The following SMC5 variants were observed in gnomAD, a reference collection of about 807,000 sequenced individuals.
SMC5 encodes structural maintenance of chromosomes 5.
In SMC5, 88 loss-of-function variants were observed where a neutral mutation model predicts 148.3. The ratio of observed to expected loss-of-function variants is 0.59; its 90% CI spans 0.50 to 0.71. The LOEUF (loss-of-function observed/expected upper bound fraction) is 0.71. Ranked by LOEUF, SMC5 falls within the 30% of genes least tolerant of loss-of-function variation. The pLI is 0.00. For missense variants in SMC5, 1,142 were observed against 1,298.9 expected (o/e 0.88, Z 1.86); for synonymous variants, 421 against 432.8 (o/e 0.97, Z 0.34).
chr9:70,280,722 T>C (rs759544434), intron 5 of SMC5, 37 bp from the exon 6 acceptor site: 5 of 1,566,580 alleles, frequency 3.2e-6, no homozygotes, highest in African/African-American at 1.4e-5. Context: ...TGTCATTTTT[T>C]CTGTCAAACT....
chr9:70,347,339 A>G (rs1312384124), intron 20 of SMC5, among the ~76,000 whole-genome samples, 178 bp downstream of exon 20: 5 of 152,242 alleles, frequency 3.3e-5, no homozygotes, highest in Admixed American at 2.0e-4. Context: ...TTCTGAATCT[A>G]TTAGAATTTT....
chr9:70,277,614 C>T (rs1271109052), intron 4 of SMC5, 142 bp downstream of exon 4: 3 of 596,348 alleles, frequency 5.0e-6, no homozygotes, highest in Admixed American at 8.2e-5. Context: ...CATTTCATCA[C>T]TTAGAGTATA....
At chr9:70,307,596 A>G (rs548102806) in intron 11 of SMC5, among the ~76,000 whole-genome samples, 2 of 151,826 alleles carry the variant, frequency 1.3e-5, no homozygotes, top group Admixed American at 1.3e-4. Flanking sequence ...TCCGCTTCCC[A>G]GGTTCAAGCA....
chr9:70,287,067 A>G (rs1214958514), intron 8 of SMC5, among the ~76,000 whole-genome samples: 2 of 152,070 alleles, frequency 1.3e-5, no homozygotes, highest in Admixed American at 6.6e-5. Flanking sequence ...TTTTGATATA[A>G]TCTTGGTTTA....
At chr9:70,265,176 T>C (rs2034256745) in intron 2 of SMC5, among the ~76,000 whole-genome samples, 1 of 151,990 alleles carries the variant, frequency 6.6e-6, no homozygotes, top group South Asian at 2.1e-4. Context: ...AATGAGATCA[T>C]TAAAAATGAC....
intron 2 of SMC5, among the ~76,000 whole-genome samples, chr9:70,266,336 G>T (rs551205894): frequency 6.6e-6 from 1 of 152,238 alleles, no homozygotes; most frequent in East Asian, 1.9e-4. Context: ...TTGTGACCTT[G>T]AGCAATTATC....
At chr9:70,300,312 TG>T in intron 10 of SMC5, 112 bp downstream of exon 10, 1 of 893,328 alleles carries the variant, frequency 1.1e-6, no homozygotes, top group Non-Finnish European at 1.6e-6. Context: ...ATCAGACTTG[TG>T]GCATCTGGCA....
chr9:70,321,617 A>G (rs1003792737), intron 15 of SMC5, among the ~76,000 whole-genome samples: 2 of 152,104 alleles, frequency 1.3e-5, no homozygotes, highest in African/African-American at 4.8e-5. Context: ...CCAGACCTCA[A>G]TCAGTCCTCC....
intron 15 of SMC5, among the ~76,000 whole-genome samples, chr9:70,319,333 ATT>A (rs1038613065): frequency 1.1e-4 from 16 of 152,204 alleles, no homozygotes; most frequent in African/African-American, 3.9e-4. Flanking sequence ...GCAGTAATTC[ATT>A]TTAAAAATAA....
intron 3 of SMC5, among the ~76,000 whole-genome samples, chr9:70,272,853 G>A (rs546314133): frequency 2.0e-5 from 3 of 152,298 alleles, no homozygotes; most frequent in Non-Finnish European, 4.4e-5. Context: ...ACTTCAGGAG[G>A]AGTCAGTTGT....
chr9:70,307,939 AC>A (rs1428674571), intron 11 of SMC5, among the ~76,000 whole-genome samples: 1 of 152,204 alleles, frequency 6.6e-6, no homozygotes, highest in Non-Finnish European at 1.5e-5. Flanking sequence ...GTAAGATGTT[AC>A]AGGCACATCT....
intron 16 of SMC5, 67 bp from the exon 17 acceptor site, chr9:70,323,954 C>T (rs1283050681): frequency 7.5e-7 from 1 of 1,338,728 alleles, no homozygotes; most frequent in Non-Finnish European, 1.0e-6. Context: ...TTTTAAAAAA[C>T]TATACATTTT....
chr9:70,341,695 G>A (rs2036528279), intron 17 of SMC5, among the ~76,000 whole-genome samples: 1 of 152,140 alleles, frequency 6.6e-6, no homozygotes. Flanking sequence ...TAATAATACA[G>A]GTGTCCCCAG....
rs1301422904 is a variant in SMC5 at position 70,323,585 on chromosome 9, C to A, written c.2253C>A (p.Thr751=). Residue 751 remains threonine, a synonymous_variant, in exon 16 of 25, where the codon ACC becomes ACA. Coordinates refer to ENST00000361138, the MANE Select transcript of SMC5 (RefSeq NM_015110.4). ...EINVQKAKLV[T]ELTNLIKICT... ...ATGTTCAAAAAGCGAAACTTGTTAC[C>A]GAATTAACAAACCTAATAAAGGTAA... 6.2e-7 allele frequency: 1 copy of A among 1,610,512 alleles called. No homozygotes were observed. The highest frequency in any genetic ancestry group is 1.3e-5 in the African/African-American group (1 of 74,798).
intron 13 of SMC5, among the ~76,000 whole-genome samples, chr9:70,318,089 T>TA (rs997337962): frequency 3.9e-4 from 58 of 150,114 alleles, no homozygotes; most frequent in Admixed American, 1.3e-3. Context: ...TTGGATAGGT[T>TA]AAAAAAAAAA....
intron 24 of SMC5, among the ~76,000 whole-genome samples, chr9:70,351,517 CTT>C (rs1194880031): frequency 1.3e-5 from 2 of 152,024 alleles, no homozygotes; most frequent in Admixed American, 6.6e-5. Context: ...CTGTTACACA[CTT>C]TTCAGGATAC....
intron 17 of SMC5, among the ~76,000 whole-genome samples, chr9:70,329,755 G>T (rs550650549): frequency 4.9e-4 from 74 of 152,256 alleles, no homozygotes; most frequent in African/African-American, 1.7e-3. Flanking sequence ...CACTTCTCTT[G>T]TATCAATTTT....
chr9:70,348,679 A>T (rs1426985990), intron 22 of SMC5, among the ~76,000 whole-genome samples: 1 of 152,128 alleles, frequency 6.6e-6, no homozygotes, highest in Non-Finnish European at 1.5e-5. Flanking sequence ...CAACAAAACC[A>T]GACCTTGTCT....
At position 70,318,982 on chromosome 9, in the gene SMC5, AG is replaced by A. The variant is rs35626673; in HGVS notation, c.2150+25del. 9 of 1,585,870 alleles carry A rather than the reference AG, an allele frequency of 5.7e-6. No individual in the cohort carries two copies. The African/African-American group carries it at 1.2e-4, about 22-fold the overall frequency. ...TAGGAAGGTATCTTTTAGCCTATTC[AG>A]GGGGGAGAGCACAAATTACTGTATG... On this transcript the variant is annotated intron_variant, in intron 15 of 24. Transcript: ENST00000361138.
Sources: gnomAD v4.1 joint callset for allele counts (sites outside exome capture counted in the v4.1 genomes callset) on GRCh38, gnomAD v4.1.1 for gene constraint, MANE v1.5 for transcripts, NCBI Gene and HGNC (gene_info 2026-07-23, HGNC 2026-07-21) for gene names.